RNF6: variants seen among roughly 807,000 people sequenced by gnomAD.
RNF6 encodes the protein E3 ubiquitin-protein ligase RNF6.
Under a neutral mutation model 50.1 loss-of-function variants are expected in RNF6, and 21 were observed. That is an observed-to-expected ratio of 0.42 (90% CI 0.30 to 0.60). The LOEUF (loss-of-function observed/expected upper bound fraction) is 0.60, where lower values mean the gene tolerates loss of function less well. Among genes scored for constraint, RNF6 ranks in the 20% least tolerant of loss-of-function variants. RNF6 has a pLI of 0.20. For synonymous variants in RNF6, 255 were observed against 291.8 expected (o/e 0.87, Z 1.29); for missense variants, 698 against 838.2 (o/e 0.83, Z 2.07).
At chr13:26,158,819 TTTTG>T (rs1443357837) in intron 5 of RNF6, among the ~76,000 whole-genome samples, 5 of 152,168 alleles carry the variant, frequency 3.3e-5, no homozygotes, top group African/African-American at 9.7e-5. Context: ...TGTTTGCCTT[TTTTG>T]TTTGTTTCAA....
Position 26,219,639 on chromosome 13 carries a change from G to C in RNF6, c.11C>G (p.Ser4Cys), listed in dbSNP as rs1870269057. The C allele has an allele frequency of 6.2e-7, 1 of 1,613,068 alleles. No homozygotes were observed. Among genetic ancestry groups the C allele is most frequent in the Non-Finnish European group, 8.5e-7 (1 of 1,179,812 alleles). The change falls in exon 3 of 5, where the codon TCT (serine) becomes TGT (cysteine). Residue 4 changes from serine to cysteine, a missense_variant. Coordinates refer to ENST00000381588, the MANE Select transcript of RNF6 (RefSeq NM_005977.4). MNQSRSRSDGGSEE... is the reference protein window; with the variant it reads MNQCRSRSDGGSEE... The stretch of plus-strand genomic sequence containing the variant: ...ACTGCCACCATCTGATCTCGATCTA[G>C]ACTGATTCATCCTGAGATTCCTGGC...
chr13:26,166,971 G>A (rs1307552463), intron 5 of RNF6, among the ~76,000 whole-genome samples: 1 of 152,180 alleles, frequency 6.6e-6, no homozygotes, highest in Non-Finnish European at 1.5e-5. Flanking sequence ...AAGCCATGTG[G>A]AACTTAAGTC....
intron 5 of RNF6, among the ~76,000 whole-genome samples, chr13:26,166,427 GACA>G (rs1566416659): frequency 6.6e-6 from 1 of 152,184 alleles, no homozygotes; most frequent in Non-Finnish European, 1.5e-5. Flanking sequence ...CCTGTTTGCA[GACA>G]ACGTGATTCT....
chr13:26,218,847 G>A (rs995454591), intron 3 of RNF6, among the ~76,000 whole-genome samples: 1 of 152,070 alleles, frequency 6.6e-6, no homozygotes, highest in Non-Finnish European at 1.5e-5. Context: ...TGAATAGTTG[G>A]TAAAGTGCTG....
chr13:26,201,389 C>A (rs915219113), intron 5 of RNF6, among the ~76,000 whole-genome samples: 1 of 151,492 alleles, frequency 6.6e-6, no homozygotes, highest in Non-Finnish European at 1.5e-5. Context: ...GGCAGCCCCA[C>A]AAAAACCAGG....
intron 5 of RNF6, among the ~76,000 whole-genome samples, chr13:26,187,714 C>T (rs1211979719): frequency 6.6e-6 from 1 of 152,102 alleles, no homozygotes; most frequent in African/African-American, 2.4e-5. Context: ...AATGTTTAGC[C>T]CCAGCTCTAT....
chr13:26,152,735 G>T (rs957232192), intron 5 of RNF6, among the ~76,000 whole-genome samples: 2 of 152,048 alleles, frequency 1.3e-5, no homozygotes, highest in Non-Finnish European at 2.9e-5. Context: ...TAAACTTCCT[G>T]GGAGAAACAA....
At chr13:26,183,550 G>C (rs1022376931) in intron 5 of RNF6, among the ~76,000 whole-genome samples, 2 of 152,256 alleles carry the variant, frequency 1.3e-5, no homozygotes, top group East Asian at 3.9e-4. Context: ...GCCTCCCTGC[G>C]TATATCCATA....
chr13:26,167,374 A>G (rs1047217256), intron 5 of RNF6, among the ~76,000 whole-genome samples: 1 of 152,222 alleles, frequency 6.6e-6, no homozygotes, highest in Admixed American at 6.5e-5. Flanking sequence ...AAACAACCCC[A>G]TTAAAAAGTG....
At chr13:26,175,335 G>GC (rs748965642) in intron 5 of RNF6, among the ~76,000 whole-genome samples, 10 of 152,116 alleles carry the variant, frequency 6.6e-5, no homozygotes, top group Non-Finnish European at 1.3e-4. Context: ...CCTGCCTCGG[G>GC]CCCCCAAAGT....
intron 5 of RNF6, among the ~76,000 whole-genome samples, chr13:26,156,569 T>TAAAC (rs1246316286): frequency 4.6e-5 from 7 of 152,148 alleles, no homozygotes; most frequent in African/African-American, 1.7e-4. Flanking sequence ...TAGAGAAGAA[T>TAAAC]AAACATTCTT....
At chr13:26,137,573 A>G (rs1870715224) in intron 5 of RNF6, among the ~76,000 whole-genome samples, 1 of 151,914 alleles carries the variant, frequency 6.6e-6, no homozygotes, top group South Asian at 2.1e-4. Flanking sequence ...TCAAAGAGCT[A>G]GAAGGAATTA....
At chr13:26,203,528 T>A (rs565438586) in intron 5 of RNF6, among the ~76,000 whole-genome samples, 1 of 152,326 alleles carries the variant, frequency 6.6e-6, no homozygotes, top group East Asian at 1.9e-4. Flanking sequence ...TGTCACACCT[T>A]TGGGTGTGAC....
At chr13:26,135,763 G>A (rs1014944486) in intron 5 of RNF6, among the ~76,000 whole-genome samples, 4 of 152,166 alleles carry the variant, frequency 2.6e-5, no homozygotes, top group African/African-American at 9.7e-5. Context: ...GGTGGTGTTT[G>A]CATCATGGGG....
intron 5 of RNF6, among the ~76,000 whole-genome samples, chr13:26,158,160 A>G (rs1292432637): frequency 6.6e-6 from 1 of 152,178 alleles, no homozygotes; most frequent in Non-Finnish European, 1.5e-5. Context: ...CAGTAACCTC[A>G]GCAAACATTA....
chr13:26,138,591 T>C (rs1483654530), intron 5 of RNF6, among the ~76,000 whole-genome samples: 1 of 152,058 alleles, frequency 6.6e-6, no homozygotes, highest in African/African-American at 2.4e-5. Context: ...GTGATAATAA[T>C]AGCAAAAAGA....
At position 26,153,118 on chromosome 13, in the gene RNF6, A is replaced by G. The variant is rs367972819; in HGVS notation, n.769-20667T>C. Among the ~76,000 whole-genome samples the G allele has an allele frequency of 6.6e-5, 10 of 151,286 alleles. No homozygotes were observed. In the East Asian group the frequency reaches 1.6e-3, roughly 24 times the overall value. On this transcript the variant is annotated intron_variant and non_coding_transcript_variant, in intron 5 of 5. Transcript: ENST00000468480. ...CAGTGAGCTAAGCTCTTTCCACTGCACTCCAGCCCAGGCAACAGAGCAAGA... is the reference window on the plus strand; with the variant it reads ...CAGTGAGCTAAGCTCTTTCCACTGCGCTCCAGCCCAGGCAACAGAGCAAGA...
intron 5 of RNF6, among the ~76,000 whole-genome samples, chr13:26,174,555 C>A (rs1207213850): frequency 1.3e-5 from 2 of 151,684 alleles, no homozygotes; most frequent in African/African-American, 4.8e-5. Context: ...ACTCAGAGGC[C>A]CAGAGGCTGA....
intron 5 of RNF6, among the ~76,000 whole-genome samples, chr13:26,136,834 C>G (rs1474502181): frequency 6.6e-6 from 1 of 152,076 alleles, no homozygotes; most frequent in African/African-American, 2.4e-5. Flanking sequence ...AATGAGAAAA[C>G]TGGCAAAAGT....
Sources: gnomAD v4.1 joint callset for allele counts (sites outside exome capture counted in the v4.1 genomes callset) on GRCh38, gnomAD v4.1.1 for gene constraint, MANE v1.5 for transcripts, NCBI Gene and HGNC (gene_info 2026-07-23, HGNC 2026-07-21) for gene names.